The following MYO5B variants were observed in gnomAD, a reference collection of about 807,000 sequenced individuals.
MYO5B encodes unconventional myosin-Vb.
Under a neutral mutation model 229.3 loss-of-function variants are expected in MYO5B, and 143 were observed. That is an observed-to-expected ratio of 0.62 (90% CI 0.54 to 0.72). The LOEUF is 0.72. MYO5B is among the 30% of genes least tolerant of loss of function. The pLI, the probability that MYO5B is intolerant of heterozygous loss-of-function variation, is 0.00. For synonymous variants in MYO5B, 918 were observed against 885.2 expected, an observed-to-expected ratio of 1.04 and a Z score of -0.66; for missense variants, 2,321 against 2,331.0, an observed-to-expected ratio of 1.00 and a Z score of 0.09.
chr18:49,977,644 G>A (rs1456709690), intron 9 of MYO5B, among the ~76,000 whole-genome samples: 1 of 152,206 alleles, frequency 6.6e-6, no homozygotes, highest in African/African-American at 2.4e-5. Context: ...CAGGAGTGAA[G>A]TGGACTGAAC....
chr18:49,862,084 G>C (rs1258387872), intron 29 of MYO5B, among the ~76,000 whole-genome samples: 1 of 144,538 alleles, frequency 6.9e-6, no homozygotes, highest in Non-Finnish European at 1.5e-5. Context: ...TGCAACCTCC[G>C]CCTCCTGGGT....
At chr18:49,969,102 T>C (rs7240811) in intron 10 of MYO5B, among the ~76,000 whole-genome samples, 149,082 of 152,296 alleles carry the variant, frequency 0.98, 73,065 homozygotes, top group East Asian at 1. Context: ...ACACTGTGGC[T>C]AGCCATGCAT....
In MYO5B at chr18:49,929,607, G is replaced by GTA; in HGVS notation, c.2004-10_2004-9insTA. On this transcript the variant is annotated splice_polypyrimidine_tract_variant and intron_variant, in intron 16 of 39. Transcript: ENST00000285039. The stretch of plus-strand genomic sequence containing the variant: ...CTCTCTTTGGGTCAAAGCTGCCAAA[G>GTA]GAGAAAAAAAAAAAAAAAAGCAAGA... 2 of 1,435,408 alleles carry GTA rather than the reference G, an allele frequency of 1.4e-6. No homozygotes were observed. Among genetic ancestry groups the GTA allele is most frequent in the Non-Finnish European group, 1.8e-6 (2 of 1,099,482 alleles). 88.9% of individuals were successfully genotyped at this position (1,435,408 alleles called of 1,614,324 possible).
intron 32 of MYO5B, among the ~76,000 whole-genome samples, chr18:49,848,631 G>T (rs1184939911): frequency 6.6e-6 from 1 of 152,174 alleles, no homozygotes; most frequent in Non-Finnish European, 1.5e-5. Flanking sequence ...TAAGCAATCT[G>T]GGAACAGGGG....
intron 10 of MYO5B, chr18:49,969,887 C>T (rs2025672155): frequency 6.6e-6 from 1 of 152,246 alleles, no homozygotes; most frequent in Non-Finnish European, 1.5e-5. Flanking sequence ...ACACATGAAT[C>T]TGTTACAGCC....
chr18:50,110,505 T>C (rs986507918), intron 1 of MYO5B, among the ~76,000 whole-genome samples: 7 of 152,306 alleles, frequency 4.6e-5, no homozygotes, highest in Non-Finnish European at 8.8e-5. Flanking sequence ...CAGTACACAT[T>C]ACTGAAAAGT....
At chr18:49,966,154 G>A (rs1037403917) in intron 10 of MYO5B, among the ~76,000 whole-genome samples, 15 of 152,248 alleles carry the variant, frequency 9.9e-5, no homozygotes, top group Non-Finnish European at 1.6e-4. Context: ...GGGCCGGGCC[G>A]GTGCCCAGAA....
chr18:49,978,979 G>C (rs1027132820), intron 9 of MYO5B, among the ~76,000 whole-genome samples: 6 of 152,244 alleles, frequency 3.9e-5, no homozygotes, highest in Non-Finnish European at 4.4e-5. Flanking sequence ...ACAGGACATT[G>C]ACTGAGCTGT....
chr18:50,175,374 T>C (rs1705520), intron 1 of MYO5B, among the ~76,000 whole-genome samples: 37,472 of 152,206 alleles, frequency 0.25, 5,198 homozygotes, highest in Admixed American at 0.35. Context: ...TCATCTTCCA[T>C]TGCCTTCCTA....
intron 10 of MYO5B, among the ~76,000 whole-genome samples, chr18:49,972,755 G>C (rs189400368): frequency 1.6e-4 from 25 of 152,232 alleles, no homozygotes; most frequent in Non-Finnish European, 2.6e-4. Context: ...ACTGTTCTAT[G>C]CTCTCCCAAG....
At chr18:50,068,983 A>T (rs1486085305) in intron 1 of MYO5B, among the ~76,000 whole-genome samples, 3 of 152,138 alleles carry the variant, frequency 2.0e-5, no homozygotes, top group Non-Finnish European at 2.9e-5. Context: ...CTCTAATCAG[A>T]GAGACCATAG....
Position 49,825,514 on chromosome 18 carries a change from T to C in MYO5B, c.*957A>G, listed in dbSNP as rs763549615. 3 of 152,218 alleles carry C rather than the reference T, an allele frequency of 2.0e-5. No homozygotes were observed. The highest frequency in any genetic ancestry group is 2.1e-4 in the South Asian group (1 of 4,830). 9.4% of individuals were successfully genotyped at this position (152,218 alleles called of 1,614,324 possible). The stretch of plus-strand genomic sequence containing the variant: ...GTGCGAACTTTAGTTTGTTTTACTA[T>C]TTGGTTTCTGGAACAGTAGAGCATT... On this transcript the variant is annotated 3_prime_UTR_variant, in exon 40 of 40. Transcript: ENST00000285039.
At position 49,906,445 on chromosome 18, in the gene MYO5B, C is replaced by A. The variant is rs2024900440; in HGVS notation, c.2388G>T (p.Arg796Ser). ...TGCGGGCCAGGTGTCCCCGGCAGTA[C>A]CTCTGCAGGGTTAAGGTAGCCCCCT... ...RLKGATLTLQ[R>S]YCRGHLARRL... Residue 796 changes from arginine to serine, a missense_variant, in exon 19 of 40, where the codon AGG (arginine) becomes AGT (serine). Transcript: ENST00000285039. The A allele has an allele frequency of 6.2e-7, 1 of 1,614,148 alleles. No individual in the cohort carries two copies. The highest frequency in any genetic ancestry group is 2.2e-5 in the East Asian group (1 of 44,880).
intron 10 of MYO5B, among the ~76,000 whole-genome samples, chr18:49,971,508 T>C (rs1420238953): frequency 6.6e-6 from 1 of 152,190 alleles, no homozygotes; most frequent in African/African-American, 2.4e-5. Context: ...ACTGACCTGA[T>C]AGATTAGAAA....
chr18:49,975,556 C>G (rs554892603), intron 9 of MYO5B, among the ~76,000 whole-genome samples: 7 of 152,070 alleles, frequency 4.6e-5, no homozygotes, highest in Admixed American at 2.6e-4. Context: ...AAGAAGCAAG[C>G]GTTTTAAGTA....
chr18:50,007,539 C>G (rs9958692), intron 4 of MYO5B, among the ~76,000 whole-genome samples: 151,489 of 152,274 alleles, frequency 0.99, 75,360 homozygotes, highest in Middle Eastern at 1. Flanking sequence ...CTCTAAATAA[C>G]ACCCACATCT....
chr18:49,989,859 G>A (rs1244376822), intron 7 of MYO5B, among the ~76,000 whole-genome samples: 1 of 152,188 alleles, frequency 6.6e-6, no homozygotes, highest in African/African-American at 2.4e-5. Flanking sequence ...TCCCTCCAGT[G>A]AGGATGTGCT....
intron 18 of MYO5B, among the ~76,000 whole-genome samples, chr18:49,911,823 G>A (rs1467470758): frequency 2.6e-5 from 4 of 152,158 alleles, no homozygotes; most frequent in Admixed American, 1.3e-4. Context: ...GAGGAGCGCT[G>A]CCACAGAATT....
rs1436566296 is a variant in MYO5B, at chr18:49,895,175, C to T, written c.2812-1G>A. 6.2e-7 allele frequency: 1 copy of T among 1,611,014 alleles called. No individual in the cohort carries two copies. Among genetic ancestry groups the T allele is most frequent in the Non-Finnish European group, 8.5e-7 (1 of 1,177,480 alleles). On this transcript the variant is annotated splice_acceptor_variant, in intron 21 of 39. Transcript: ENST00000285039. LOFTEE classifies it high-confidence loss of function. Reference sequence around the variant, plus strand: ...CTGAAAGTGTCTTGAACTCTTTGTTCTGTGGAGAACATCAGCAAACAAGGA... The same window carrying T: ...CTGAAAGTGTCTTGAACTCTTTGTTTTGTGGAGAACATCAGCAAACAAGGA...
Sources: gnomAD v4.1 joint callset for allele counts (sites outside exome capture counted in the v4.1 genomes callset) on GRCh38, gnomAD v4.1.1 for gene constraint, MANE v1.5 for transcripts, NCBI Gene and HGNC (gene_info 2026-07-23, HGNC 2026-07-21) for gene names.